KLF9: variants seen among roughly 807,000 people sequenced by gnomAD.
KLF9 encodes KLF transcription factor 9.
A neutral mutation model predicts 17.3 loss-of-function variants in KLF9; 2 were observed. The ratio of observed to expected loss-of-function variants is 0.12; its 90% CI spans 0.05 to 0.36. The LOEUF (loss-of-function observed/expected upper bound fraction) is 0.36, where lower values mean the gene tolerates loss of function less well. Ranked by LOEUF, KLF9 falls within the 10% of genes least tolerant of loss-of-function variation. The probability of loss-of-function intolerance (pLI) is 1.00; values close to 1 mark genes in which losing one functional copy is unlikely to be tolerated. For missense variants in KLF9, 226 were observed against 333.2 expected, an observed-to-expected ratio of 0.68 and a Z score of 2.51; for synonymous variants, 138 against 139.2, an observed-to-expected ratio of 0.99 and a Z score of 0.06.
intron 1 of KLF9, among the ~76,000 whole-genome samples, chr9:70,402,386 T>C (rs2037227943): frequency 1.3e-5 from 2 of 152,244 alleles, no homozygotes; most frequent in Admixed American, 1.3e-4. Flanking sequence ...GCACACTGAA[T>C]ACACTTCTGA....
intron 1 of KLF9, among the ~76,000 whole-genome samples, chr9:70,406,096 A>G (rs1452584883): frequency 2.0e-5 from 3 of 152,232 alleles, no homozygotes; most frequent in Admixed American, 6.5e-5. Flanking sequence ...TGTTAACCAT[A>G]GACTGAAGTC....
intron 1 of KLF9, among the ~76,000 whole-genome samples, chr9:70,408,252 A>G (rs567023256): frequency 9.2e-5 from 14 of 152,254 alleles, no homozygotes; most frequent in African/African-American, 3.1e-4. Flanking sequence ...GCACACACCC[A>G]TAATCCCAGC....
intron 1 of KLF9, among the ~76,000 whole-genome samples, chr9:70,408,940 T>C (rs1390449547): frequency 6.7e-6 from 1 of 148,210 alleles, no homozygotes. Flanking sequence ...CGGGCTTTTG[T>C]AGCCCCCACC....
intron 1 of KLF9, among the ~76,000 whole-genome samples, chr9:70,398,872 G>A (rs908749413): frequency 1.3e-5 from 2 of 152,056 alleles, no homozygotes; most frequent in Non-Finnish European, 2.9e-5. Flanking sequence ...GTGAGGCAAG[G>A]TCTTGCTCTG....
At position 70,402,845 on chromosome 9, in the gene KLF9, T is replaced by C. The variant is rs1296429688; in HGVS notation, c.505+10014A>G. Among the ~76,000 whole-genome samples the C allele has an allele frequency of 2.6e-5, 4 of 152,122 alleles. No homozygotes were observed. In the East Asian group the frequency reaches 7.7e-4, roughly 29 times the overall value. On this transcript the variant is annotated intron_variant, in intron 1 of 1. Transcript: ENST00000377126. ...AAACTCTGTTCTTTGGAAAATCCTG[T>C]TGGTAGTTATAAATGGGATGATAGC...
At chr9:70,390,347 G>A (rs1371395013) in intron 1 of KLF9, among the ~76,000 whole-genome samples, 2 of 152,026 alleles carry the variant, frequency 1.3e-5, no homozygotes, top group Non-Finnish European at 2.9e-5. Flanking sequence ...GTGGATAAGA[G>A]CTAGGGTTAT....
intron 1 of KLF9, among the ~76,000 whole-genome samples, chr9:70,402,615 T>C (rs1327562811): frequency 3.3e-5 from 5 of 152,152 alleles, no homozygotes; most frequent in Admixed American, 1.3e-4. Context: ...TTCTAGAACA[T>C]CCACTCAGGA....
At position 70,412,186 on chromosome 9, in the gene KLF9, CAAAAAAAAAAAAA is replaced by C. The variant is rs10644898; in HGVS notation, c.505+660_505+672del. On this transcript the variant is annotated intron_variant, in intron 1 of 1. Coordinates refer to ENST00000377126, the MANE Select transcript of KLF9 (RefSeq NM_001206.4). ...GAGGGTGCGACCTAAGTCACATGGC[CAAAAAAAAAAAAA>C]AAAAAAAAAAAAAAAGTCAGCTCTG... Among the ~76,000 whole-genome samples, 112 of 47,126 alleles carry C rather than the reference CAAAAAAAAAAAAA, an allele frequency of 2.4e-3. 1 individual carries two copies. Among genetic ancestry groups the C allele is most frequent in the African/African-American group, 9.9e-3 (110 of 11,130 alleles). 30.9% of individuals were successfully genotyped at this position (47,126 alleles called of 152,430 possible). A position where few individuals can be genotyped will look rare whatever the true frequency, so the allele number is the denominator to read the frequency against.
chr9:70,402,214 T>C (rs923247090), intron 1 of KLF9, among the ~76,000 whole-genome samples: 1 of 152,146 alleles, frequency 6.6e-6, no homozygotes, highest in African/African-American at 2.4e-5. Flanking sequence ...AGCTGTTTGG[T>C]TGTCATTCTG....
chr9:70,400,169 G>A (rs201351530), intron 1 of KLF9, among the ~76,000 whole-genome samples: 61 of 152,280 alleles, frequency 4.0e-4, no homozygotes, highest in Non-Finnish European at 5.7e-4. Flanking sequence ...CTCAGTGTGC[G>A]CACCCTTCTA....
At chr9:70,397,732 G>C (rs2037191775) in intron 1 of KLF9, among the ~76,000 whole-genome samples, 1 of 152,156 alleles carries the variant, frequency 6.6e-6, no homozygotes, top group Admixed American at 6.5e-5. Context: ...TTGAGTCTAA[G>C]AAAGCATTCA....
At chr9:70,399,831 G>A (rs1303013934) in intron 1 of KLF9, among the ~76,000 whole-genome samples, 3 of 152,146 alleles carry the variant, frequency 2.0e-5, no homozygotes, top group African/African-American at 7.2e-5. Flanking sequence ...TTGCCTCAGG[G>A]GGATCAGACA....
intron 1 of KLF9, among the ~76,000 whole-genome samples, chr9:70,402,623 G>C (rs986109683): frequency 6.6e-5 from 10 of 152,250 alleles, no homozygotes; most frequent in Non-Finnish European, 1.3e-4. Context: ...CATCCACTCA[G>C]GAGGGCCAGT....
chr9:70,413,969 A>G lies in KLF9; in HGVS notation c.-606T>C, dbSNP rs1046792407. 1 of 152,712 alleles carries G rather than the reference A, an allele frequency of 6.5e-6. No individual in the cohort carries two copies. Among genetic ancestry groups the G allele is most frequent in the Admixed American group, 6.5e-5 (1 of 15,282 alleles). The allele number at this position is 152,712 out of a possible 1,614,324, so 9.5% of individuals were successfully genotyped here. On this transcript the variant is annotated 5_prime_UTR_variant, in exon 1 of 2. Coordinates refer to ENST00000377126, the MANE Select transcript of KLF9 (RefSeq NM_001206.4). This position sits in a 1 kb window ranked among gnomAD's most constrained non-coding sequence, Gnocchi z 5.6. ...CTCTTGCTCAGTAACAATTTCGCAG[A>G]ATCCCATCACGTCACAAACCAAACC...
intron 1 of KLF9, among the ~76,000 whole-genome samples, chr9:70,393,176 T>A (rs1343294393): frequency 6.6e-6 from 1 of 152,240 alleles, no homozygotes; most frequent in Non-Finnish European, 1.5e-5. Flanking sequence ...GAGACAGTCA[T>A]CAGGCCTCCA....
At chr9:70,405,684 G>T (rs146673038) in intron 1 of KLF9, among the ~76,000 whole-genome samples, 1 of 152,098 alleles carries the variant, frequency 6.6e-6, no homozygotes, top group Non-Finnish European at 1.5e-5. Flanking sequence ...AAAAGAGAAG[G>T]CTTCGGGCAC....
chr9:70,414,360 A>C lies in KLF9; in HGVS notation c.-997T>G, dbSNP rs2037361686. On this transcript the variant is annotated 5_prime_UTR_variant, in exon 1 of 2. Transcript: ENST00000377126. Reference sequence around the variant, plus strand: ...CGGTTTTCCAGCTCCCAAACAGTTAAGTGACTTCCTGCAAACGCTACAGTC... The same window carrying C: ...CGGTTTTCCAGCTCCCAAACAGTTACGTGACTTCCTGCAAACGCTACAGTC... 1 of 152,236 alleles carries C rather than the reference A, an allele frequency of 6.6e-6. No homozygotes were observed. 9.4% of individuals were successfully genotyped at this position (152,236 alleles called of 1,614,324 possible). A position where few individuals can be genotyped will look rare whatever the true frequency, so the allele number is the denominator to read the frequency against.
At chr9:70,393,058 T>C (rs2037162126) in intron 1 of KLF9, among the ~76,000 whole-genome samples, 1 of 152,152 alleles carries the variant, frequency 6.6e-6, no homozygotes, top group Non-Finnish European at 1.5e-5. Context: ...CCCCTTTCAG[T>C]AACAAGCTAA....
At chr9:70,393,792 A>G (rs1452277214) in intron 1 of KLF9, among the ~76,000 whole-genome samples, 1 of 152,200 alleles carries the variant, frequency 6.6e-6, no homozygotes, top group East Asian at 1.9e-4. Flanking sequence ...CAGCCGCTCA[A>G]GATGGATCAC....
Sources: allele counts gnomAD v4.1 joint callset (sites outside exome capture counted in the v4.1 genomes callset), GRCh38; gene constraint gnomAD v4.1.1; non-coding constraint Gnocchi (gnomAD v3.1); transcripts MANE v1.5; gene names NCBI Gene and HGNC (gene_info 2026-07-23, HGNC 2026-07-21).